MIPOL1: variants seen among roughly 807,000 people sequenced by gnomAD.
MIPOL1 encodes mirror-image polydactyly 1.
A neutral mutation model predicts 60.9 loss-of-function variants in MIPOL1; 57 were observed. The observed-to-expected ratio is 0.94, with a 90% CI of 0.76 to 1.17. The LOEUF (loss-of-function observed/expected upper bound fraction) is 1.17, where lower values mean the gene tolerates loss of function less well. MIPOL1 is among the 50% of genes most tolerant of loss of function. MIPOL1 has a pLI of 0.00. For synonymous variants in MIPOL1, 179 were observed against 168.8 expected, an observed-to-expected ratio of 1.06 and a Z score of -0.47; for missense variants, 551 against 511.6, an observed-to-expected ratio of 1.08 and a Z score of -0.74.
At chr14:37,446,327 T>C (rs1339727488) in intron 11 of MIPOL1, among the ~76,000 whole-genome samples, 13 of 152,120 alleles carry the variant, frequency 8.5e-5, no homozygotes, top group Admixed American at 8.5e-4. Flanking sequence ...GAAAAAATGC[T>C]CACCATCACT....
At chr14:37,502,151 C>G (rs761201949) in intron 12 of MIPOL1, 6 of 152,300 alleles carry the variant, frequency 3.9e-5, no homozygotes, top group African/African-American at 7.2e-5. Context: ...TCTATGGACT[C>G]CATCTCTGAG....
At chr14:37,521,115 T>C (rs1200598008) in intron 12 of MIPOL1, among the ~76,000 whole-genome samples, 1 of 151,832 alleles carries the variant, frequency 6.6e-6, no homozygotes, top group Non-Finnish European at 1.5e-5. Flanking sequence ...TTTTGTATTT[T>C]TAGTAGAGAC....
At chr14:37,246,835 G>A (rs1340684658) in intron 1 of MIPOL1, among the ~76,000 whole-genome samples, 1 of 151,994 alleles carries the variant, frequency 6.6e-6, no homozygotes, top group Admixed American at 6.6e-5. Flanking sequence ...TTCATTAGCT[G>A]GGTAAATGAT....
At chr14:37,252,800 G>A (rs1974322077) in intron 3 of MIPOL1, among the ~76,000 whole-genome samples, 1 of 151,870 alleles carries the variant, frequency 6.6e-6, no homozygotes, top group Non-Finnish European at 1.5e-5. Flanking sequence ...ACCACTGTAG[G>A]AAAACATAAT....
rs534320121 is a variant in MIPOL1 at position 37,314,090 on chromosome 14, CTT to C, written c.828+5574_828+5575del. On this transcript the variant is annotated intron_variant, in intron 9 of 12. Coordinates refer to ENST00000684589, the MANE Select transcript of MIPOL1 (RefSeq NM_001388067.1). ...CTATATATCTAAATTTATTATCACTCTTTTAATTTCTGTACTCGTTTCTTGGT... is the reference window on the plus strand; with the variant it reads ...CTATATATCTAAATTTATTATCACTCTTAATTTCTGTACTCGTTTCTTGGT... 1.9e-3 allele frequency among the ~76,000 whole-genome samples: 294 copies of C among 152,208 alleles called. 1 individual carries two copies. Among genetic ancestry groups the C allele is most frequent in the Middle Eastern group, 6.8e-3 (2 of 294 alleles).
intron 10 of MIPOL1, among the ~76,000 whole-genome samples, chr14:37,372,872 C>G (rs117991311): frequency 0.015 from 2,256 of 151,268 alleles, 27 homozygotes; most frequent in Non-Finnish European, 0.025. Flanking sequence ...CTGAATTATA[C>G]TGATACTAGT....
intron 6 of MIPOL1, among the ~76,000 whole-genome samples, chr14:37,279,140 A>G (rs909014082): frequency 5.9e-5 from 9 of 151,304 alleles, no homozygotes; most frequent in African/African-American, 2.2e-4. Context: ...AATGTAATTT[A>G]ACTGCTGTGA....
At chr14:37,218,678 A>G (rs551488207) in intron 1 of MIPOL1, among the ~76,000 whole-genome samples, 80 of 152,244 alleles carry the variant, frequency 5.3e-4, no homozygotes, top group Middle Eastern at 6.8e-3. Flanking sequence ...GCTCACACCC[A>G]GAATCTTAGC....
intron 9 of MIPOL1, among the ~76,000 whole-genome samples, chr14:37,364,653 A>C (rs186118640): frequency 1.3e-5 from 2 of 152,254 alleles, no homozygotes; most frequent in East Asian, 3.9e-4. Context: ...AAGTGAAGTA[A>C]AGAGATTCCT....
At position 37,308,466 on chromosome 14, in the gene MIPOL1, A is replaced by T; in HGVS notation, c.775A>T (p.Thr259Ser). The T allele has an allele frequency of 6.2e-7, 1 of 1,603,300 alleles. No homozygotes were observed. Among genetic ancestry groups the T allele is most frequent in the Non-Finnish European group, 8.5e-7 (1 of 1,176,196 alleles). Residue 259 changes from threonine (T) to serine (S), a missense_variant, in exon 9 of 13, where the codon ACT becomes TCT. Physicochemically the swap from Thr to Ser is moderately conservative, Grantham distance 58. Coordinates refer to ENST00000684589, the MANE Select transcript of MIPOL1 (RefSeq NM_001388067.1). ...YKTKECKMRI[T>S]AEEMSALIEE... ...GACCAAGGAATGTAAAATGAGAATA[A>T]CTGCAGAAGAAATGAGTGCACTAAT...
chr14:37,491,255 G>A (rs986111131), intron 11 of MIPOL1, among the ~76,000 whole-genome samples: 1 of 152,134 alleles, frequency 6.6e-6, no homozygotes, highest in Non-Finnish European at 1.5e-5. Context: ...CTGGCCAGGC[G>A]CAATGGCTCA....
intron 9 of MIPOL1, among the ~76,000 whole-genome samples, chr14:37,323,015 G>A (rs2415396): frequency 0.99 from 150,507 of 152,312 alleles, 74,386 homozygotes; most frequent in Middle Eastern, 1. Context: ...TCTTGTTGCC[G>A]TTGCTTTTGG....
intron 11 of MIPOL1, among the ~76,000 whole-genome samples, chr14:37,482,145 A>G (rs897324955): frequency 6.6e-6 from 1 of 152,220 alleles, no homozygotes; most frequent in Non-Finnish European, 1.5e-5. Context: ...GAGACAGCCT[A>G]TGGATTGGGA....
intron 1 of MIPOL1, among the ~76,000 whole-genome samples, chr14:37,205,075 G>A (rs907683647): frequency 1.2e-4 from 18 of 152,014 alleles, no homozygotes; most frequent in Non-Finnish European, 2.1e-4. Flanking sequence ...ACTTGAGAGA[G>A]ATGATTTAAG....
chr14:37,200,883 TG>T (rs1965183390), intron 1 of MIPOL1, among the ~76,000 whole-genome samples: 6 of 107,520 alleles, frequency 5.6e-5, no homozygotes, highest in South Asian at 2.9e-4. Context: ...TGTGTGTGTG[TG>T]TGTGTGTGTG....
rs370238755 is a variant in MIPOL1, at chr14:37,377,746, CTT to C, written c.936+8139_936+8140del. 3.4e-3 allele frequency among the ~76,000 whole-genome samples: 409 copies of C among 120,932 alleles called. 3 individuals carry two copies. Among genetic ancestry groups the C allele is most frequent in the African/African-American group, 0.01 (329 of 31,864 alleles). 79.3% of individuals were successfully genotyped at this position (120,932 alleles called of 152,430 possible). Reference sequence around the variant, plus strand: ...GGTTATTTCTTTCCTATTTTTATGCCTTTTTTTTTTTTTTTTTTAAGAGACAG... The same window carrying C: ...GGTTATTTCTTTCCTATTTTTATGCCTTTTTTTTTTTTTTTTAAGAGACAG... On this transcript the variant is annotated intron_variant, in intron 10 of 12. Transcript: ENST00000684589.
intron 7 of MIPOL1, among the ~76,000 whole-genome samples, chr14:37,296,543 T>C (rs903192227): frequency 2.0e-5 from 3 of 151,910 alleles, no homozygotes; most frequent in African/African-American, 2.4e-5. Context: ...ATCAACAAAA[T>C]TGATAGACCA....
chr14:37,234,527 G>A (rs2899854), intron 1 of MIPOL1, among the ~76,000 whole-genome samples: 32,158 of 151,434 alleles, frequency 0.21, 3,833 homozygotes, highest in South Asian at 0.32. Flanking sequence ...TAGAGATGAG[G>A]TCTGGCTATG....
At chr14:37,366,885 C>T (rs774619823) in intron 9 of MIPOL1, among the ~76,000 whole-genome samples, 4 of 151,866 alleles carry the variant, frequency 2.6e-5, no homozygotes, top group Non-Finnish European at 4.4e-5. Flanking sequence ...CTGAATTGAC[C>T]ACTTTATCAT....
Sources: allele counts gnomAD v4.1 joint callset (sites outside exome capture counted in the v4.1 genomes callset), GRCh38; gene constraint gnomAD v4.1.1; transcripts MANE v1.5; gene names NCBI Gene and HGNC (gene_info 2026-07-23, HGNC 2026-07-21).